The following CADPS2 variants were observed in gnomAD, a reference collection of about 807,000 sequenced individuals.
CADPS2 encodes calcium dependent secretion activator 2, also known as calcium-dependent secretion activator 2.
A neutral mutation model predicts 172.5 loss-of-function variants in CADPS2; 93 were observed. The observed-to-expected ratio is 0.54, with a 90% CI of 0.46 to 0.64. CADPS2 has a LOEUF of 0.64. Ranked by LOEUF, CADPS2 falls within the 30% of genes least tolerant of loss-of-function variation. CADPS2 has a pLI of 0.00. For missense variants in CADPS2, 1,420 were observed against 1,565.9 expected (o/e 0.91, Z 1.57); for synonymous variants, 546 against 555.2 (o/e 0.98, Z 0.23).
At chr7:122,481,062 C>T (rs546829154) in intron 11 of CADPS2, among the ~76,000 whole-genome samples, 5 of 151,826 alleles carry the variant, frequency 3.3e-5, no homozygotes, top group Admixed American at 2.6e-4. Flanking sequence ...ATGGATGAAA[C>T]TACTCTCTGG....
intron 2 of CADPS2, among the ~76,000 whole-genome samples, chr7:122,735,773 C>T (rs1457782676): frequency 6.6e-6 from 1 of 152,078 alleles, no homozygotes; most frequent in African/African-American, 2.4e-5. Context: ...CAGATTACTC[C>T]CCTGAGCTAC....
Position 122,814,045 on chromosome 7 carries a change from C to A in CADPS2, c.339+71954G>T, listed in dbSNP as rs568077460. Among the ~76,000 whole-genome samples, 6 of 152,052 alleles carry A rather than the reference C, an allele frequency of 3.9e-5. No individual in the cohort carries two copies. The East Asian group carries it at 1.2e-3, about 29-fold the overall frequency. Reference sequence around the variant, plus strand: ...TAGTCATGTTATCCCCATTTTATAGCTAAGTAAACTGAGTCTGAGAAAAAT... The same window carrying A: ...TAGTCATGTTATCCCCATTTTATAGATAAGTAAACTGAGTCTGAGAAAAAT... On this transcript the variant is annotated intron_variant, in intron 1 of 29. Transcript: ENST00000449022.
intron 2 of CADPS2, among the ~76,000 whole-genome samples, chr7:122,735,444 G>A (rs899675415): frequency 6.6e-6 from 1 of 151,918 alleles, no homozygotes; most frequent in African/African-American, 2.4e-5. Flanking sequence ...AACACAATGG[G>A]GATACTCTCT....
intron 2 of CADPS2, among the ~76,000 whole-genome samples, chr7:122,668,533 A>G (rs1364792156): frequency 6.6e-6 from 1 of 152,182 alleles, no homozygotes; most frequent in Non-Finnish European, 1.5e-5. Flanking sequence ...CTGCTAGTAA[A>G]AAATATGGAT....
intron 8 of CADPS2, among the ~76,000 whole-genome samples, chr7:122,523,307 G>C (rs1222331358): frequency 5.3e-5 from 8 of 151,926 alleles, no homozygotes; most frequent in Non-Finnish European, 1.2e-4. Flanking sequence ...AAAACAACTA[G>C]AAAAATAATT....
At chr7:122,331,153 C>G (rs1371452837) in intron 28 of CADPS2, 1 of 147,298 alleles carries the variant, frequency 6.8e-6, no homozygotes, top group Non-Finnish European at 1.5e-5. Context: ...TTTCTATTGT[C>G]TGTTATTTTT....
At chr7:122,629,351 C>A in intron 3 of CADPS2, 23 bp from the exon 4 acceptor site, 1 of 1,579,774 alleles carries the variant, frequency 6.3e-7, no homozygotes, top group Non-Finnish European at 8.6e-7. Flanking sequence ...ACAGAAGTTA[C>A]ACATATGTAA....
chr7:122,668,437 G>A (rs1396886444), intron 2 of CADPS2, among the ~76,000 whole-genome samples: 1 of 151,380 alleles, frequency 6.6e-6, no homozygotes, highest in South Asian at 2.1e-4. Context: ...AACTGAAAGA[G>A]TCAAGACAAA....
rs1000740376 is a variant in CADPS2 at position 122,596,087 on chromosome 7, C to T, written c.1224-14797G>A. ...ACAGTCACTGCCAGTTATCCTGCTG[C>T]TGCTGGTTCCTGTGAGCACTACCCA... On this transcript the variant is annotated intron_variant, in intron 6 of 29. Transcript: ENST00000449022. Among the ~76,000 whole-genome samples, 3 of 152,202 alleles carry T rather than the reference C, an allele frequency of 2.0e-5. No homozygotes were observed. In the East Asian group the frequency reaches 5.8e-4, roughly 30 times the overall value.
chr7:122,475,125 A>C (rs901912463), intron 12 of CADPS2, among the ~76,000 whole-genome samples: 2 of 152,218 alleles, frequency 1.3e-5, no homozygotes, highest in Non-Finnish European at 2.9e-5. Context: ...CAAAGGCCCA[A>C]ATTTATTGTT....
intron 1 of CADPS2, among the ~76,000 whole-genome samples, chr7:122,868,384 T>C (rs1429560949): frequency 6.6e-6 from 1 of 152,092 alleles, no homozygotes; most frequent in African/African-American, 2.4e-5. Flanking sequence ...ATTCCAGCTC[T>C]CCACTTCTCA....
At chr7:122,859,102 T>C (rs1426705930) in intron 1 of CADPS2, among the ~76,000 whole-genome samples, 1 of 152,222 alleles carries the variant, frequency 6.6e-6, no homozygotes, top group Non-Finnish European at 1.5e-5. Context: ...TCAGAATACA[T>C]TCCTGATTCC....
chr7:122,357,052 T>C (rs1337998353), intron 27 of CADPS2, among the ~76,000 whole-genome samples: 3 of 152,202 alleles, frequency 2.0e-5, no homozygotes, highest in Non-Finnish European at 1.5e-5. Context: ...CGCATGCATA[T>C]ACATATATCT....
Position 122,616,282 on chromosome 7 carries a change from G to A in CADPS2, c.1105-983C>T, listed in dbSNP as rs191658297. On this transcript the variant is annotated intron_variant, in intron 5 of 29. Transcript: ENST00000449022. ...AATAATAAAACTCATGTTATGCAGCGACCAAAACATCTATCATAAACATAA... is the reference window on the plus strand; with the variant it reads ...AATAATAAAACTCATGTTATGCAGCAACCAAAACATCTATCATAAACATAA... 7.2e-5 allele frequency among the ~76,000 whole-genome samples: 11 copies of A among 151,952 alleles called. No homozygotes were observed. The East Asian group carries it at 7.7e-4, about 11-fold the overall frequency.
At chr7:122,793,815 C>T (rs1258900912) in intron 1 of CADPS2, among the ~76,000 whole-genome samples, 1 of 152,110 alleles carries the variant, frequency 6.6e-6, no homozygotes, top group Non-Finnish European at 1.5e-5. Context: ...TCTTGTAAGG[C>T]ATGTCTGGTG....
chr7:122,847,052 A>G lies in CADPS2; in HGVS notation c.339+38947T>C, dbSNP rs187353855. Reference sequence around the variant, plus strand: ...GAAAGCCACTGCTCTAATCACCTCAATTGTCTCCCTTCTCCATTATTCTTC... The same window carrying G: ...GAAAGCCACTGCTCTAATCACCTCAGTTGTCTCCCTTCTCCATTATTCTTC... On this transcript the variant is annotated intron_variant, in intron 1 of 29. Coordinates refer to ENST00000449022, the MANE Select transcript of CADPS2 (RefSeq NM_017954.11). Among the ~76,000 whole-genome samples the G allele has an allele frequency of 2.7e-3, 418 of 152,218 alleles. 1 individual carries two copies. The highest frequency in any genetic ancestry group is 9.6e-3 in the African/African-American group (400 of 41,546).
At chr7:122,840,553 CAAA>C (rs5887117) in intron 1 of CADPS2, among the ~76,000 whole-genome samples, 43 of 130,006 alleles carry the variant, frequency 3.3e-4, no homozygotes, top group Admixed American at 4.6e-4. Flanking sequence ...TTTTTAAATG[CAAA>C]AAAAAAAAAA....
intron 7 of CADPS2, 89 bp downstream of exon 7, chr7:122,581,090 T>C: frequency 1.2e-6 from 1 of 860,862 alleles, no homozygotes; most frequent in Non-Finnish European, 1.9e-6. Context: ...AACATAAAGT[T>C]CACATATGGC....
intron 25 of CADPS2, among the ~76,000 whole-genome samples, chr7:122,366,445 A>G (rs559640583): frequency 6.6e-6 from 1 of 150,454 alleles, no homozygotes; most frequent in African/African-American, 2.4e-5. Flanking sequence ...TCTACTAAAA[A>G]AAAAAAAAAA....
Sources: gnomAD v4.1 joint callset for allele counts (sites outside exome capture counted in the v4.1 genomes callset) on GRCh38, gnomAD v4.1.1 for gene constraint, MANE v1.5 for transcripts, NCBI Gene and HGNC (gene_info 2026-07-23, HGNC 2026-07-21) for gene names.